The following NSMCE2 variants were observed in gnomAD, a reference collection of about 807,000 sequenced individuals.
The protein encoded by NSMCE2 is E3 SUMO-protein ligase NSE2.
A neutral mutation model predicts 23.8 loss-of-function variants in NSMCE2; 24 were observed. The ratio of observed to expected loss-of-function variants is 1.01; its 90% confidence interval spans 0.73 to 1.42. NSMCE2 has a LOEUF of 1.42. NSMCE2 is among the 40% of genes most tolerant of loss of function. The pLI is 0.00. For missense variants in NSMCE2, 284 were observed against 296.5 expected (o/e 0.96, Z 0.31); for synonymous variants, 92 against 94.1 (o/e 0.98, Z 0.13).
intron 5 of NSMCE2, among the ~76,000 whole-genome samples, chr8:125,247,578 A>C (rs2131000802): frequency 6.6e-6 from 1 of 152,236 alleles, no homozygotes; most frequent in South Asian, 2.1e-4. Context: ...TATAAAAATT[A>C]GCTGGGTATG....
chr8:125,343,211 A>G (rs1310063928), intron 5 of NSMCE2, among the ~76,000 whole-genome samples: 2 of 152,198 alleles, frequency 1.3e-5, no homozygotes, highest in Non-Finnish European at 2.9e-5. Context: ...AGTCATTACA[A>G]TCTGAGGACA....
intron 5 of NSMCE2, among the ~76,000 whole-genome samples, chr8:125,183,080 T>A (rs886630519): frequency 3.9e-5 from 6 of 152,180 alleles, no homozygotes; most frequent in African/African-American, 1.4e-4. Context: ...GCAAATAACC[T>A]TTTCTAACTT....
At chr8:125,199,229 ATTTG>A (rs1353020851) in intron 5 of NSMCE2, among the ~76,000 whole-genome samples, 3 of 151,982 alleles carry the variant, frequency 2.0e-5, no homozygotes, top group Non-Finnish European at 2.9e-5. Context: ...TAACTTTAGA[ATTTG>A]TTTGCTCTTG....
intron 5 of NSMCE2, among the ~76,000 whole-genome samples, chr8:125,218,164 A>T (rs1165171454): frequency 6.6e-6 from 1 of 152,206 alleles, no homozygotes; most frequent in Non-Finnish European, 1.5e-5. Flanking sequence ...TCTGAGCTGC[A>T]TGCATCCCAC....
rs71295819 is a variant in NSMCE2, at chr8:125,150,426, CTT to C, written c.158-721_158-720del. Among the ~76,000 whole-genome samples the C allele has an allele frequency of 3.7e-3, 227 of 61,786 alleles. 1 individual carries two copies. Among genetic ancestry groups the C allele is most frequent in the Middle Eastern group, 0.02 (1 of 50 alleles). The allele number at this position is 61,786 out of a possible 152,430, so 40.5% of individuals were successfully genotyped here. On this transcript the variant is annotated intron_variant, in intron 3 of 7. Transcript: ENST00000287437. Reference sequence around the variant, plus strand: ...TTTTCTTTTTTTCTTTTCTTTCTTTCTTTTTTTTTTTTTTTTTTTTTTTTTGA... The same window carrying C: ...TTTTCTTTTTTTCTTTTCTTTCTTTCTTTTTTTTTTTTTTTTTTTTTTTGA...
intron 5 of NSMCE2, among the ~76,000 whole-genome samples, chr8:125,354,390 T>C (rs1056665721): frequency 6.6e-6 from 1 of 152,258 alleles, no homozygotes; most frequent in Non-Finnish European, 1.5e-5. Context: ...AATCCAGCCC[T>C]ACATATTACT....
chr8:125,137,614 T>C (rs1820138074), intron 3 of NSMCE2, among the ~76,000 whole-genome samples: 1 of 152,192 alleles, frequency 6.6e-6, no homozygotes, highest in Non-Finnish European at 1.5e-5. Context: ...ACAGTAGGCA[T>C]GTTTTCTGAT....
intron 5 of NSMCE2, among the ~76,000 whole-genome samples, chr8:125,208,310 GT>G (rs1824193715): frequency 2.0e-5 from 3 of 152,152 alleles, no homozygotes; most frequent in Non-Finnish European, 4.4e-5. Context: ...ACTACAGCTG[GT>G]TTACCTATAC....
At chr8:125,095,946 G>C (rs1817909610) in intron 1 of NSMCE2, among the ~76,000 whole-genome samples, 1 of 151,732 alleles carries the variant, frequency 6.6e-6, no homozygotes, top group African/African-American at 2.4e-5. Context: ...GGTCCTTGCA[G>C]GTTTGTGTTT....
chr8:125,271,198 T>A (rs1342781601), intron 5 of NSMCE2, among the ~76,000 whole-genome samples: 1 of 151,344 alleles, frequency 6.6e-6, no homozygotes, highest in Non-Finnish European at 1.5e-5. Context: ...GAGGTGGAGG[T>A]TGCAGTGAGC....
chr8:125,363,694 CAGGA>C (rs1813666773), intron 7 of NSMCE2, among the ~76,000 whole-genome samples: 3 of 149,528 alleles, frequency 2.0e-5, no homozygotes, highest in Admixed American at 1.3e-4. Flanking sequence ...GGAAGGAAGG[CAGGA>C]AGGAAGGAAG....
At chr8:125,132,450 A>G (rs1256833210) in intron 3 of NSMCE2, among the ~76,000 whole-genome samples, 3 of 151,800 alleles carry the variant, frequency 2.0e-5, no homozygotes, top group Non-Finnish European at 4.4e-5. Flanking sequence ...TTGAATCCTA[A>G]GGAGAGGCAT....
At chr8:125,160,629 G>T (rs1821562753) in intron 4 of NSMCE2, among the ~76,000 whole-genome samples, 1 of 152,170 alleles carries the variant, frequency 6.6e-6, no homozygotes, top group Non-Finnish European at 1.5e-5. Flanking sequence ...CTATAACAAT[G>T]AAAAAGATAC....
intron 5 of NSMCE2, among the ~76,000 whole-genome samples, chr8:125,335,555 A>G (rs761938053): frequency 6.6e-6 from 1 of 152,226 alleles, no homozygotes; most frequent in Non-Finnish European, 1.5e-5. Flanking sequence ...GTAACTAAAA[A>G]TTTCCATTAT....
chr8:125,347,820 A>G (rs779749241), intron 5 of NSMCE2, among the ~76,000 whole-genome samples: 1 of 152,250 alleles, frequency 6.6e-6, no homozygotes, highest in East Asian at 1.9e-4. Flanking sequence ...CCACGTACAT[A>G]GAATCTGAGA....
intron 3 of NSMCE2, among the ~76,000 whole-genome samples, chr8:125,137,873 A>T (rs1820152696): frequency 6.6e-6 from 1 of 152,210 alleles, no homozygotes; most frequent in South Asian, 2.1e-4. Context: ...GAGCTGTTGT[A>T]GTAAGGATTA....
chr8:125,333,505 CTT>C (rs71295847), intron 5 of NSMCE2, among the ~76,000 whole-genome samples: 14 of 45,624 alleles, frequency 3.1e-4, no homozygotes, highest in East Asian at 7.6e-4. Context: ...CCTGGTGGTT[CTT>C]TTTTTTTTTT....
intron 5 of NSMCE2, among the ~76,000 whole-genome samples, chr8:125,277,000 T>G (rs1240563542): frequency 1.3e-5 from 2 of 152,232 alleles, no homozygotes; most frequent in Admixed American, 1.3e-4. Context: ...TCACTGGTGT[T>G]CTGATGGCGC....
chr8:125,243,216 A>G (rs943249167), intron 5 of NSMCE2, among the ~76,000 whole-genome samples: 1 of 152,240 alleles, frequency 6.6e-6, no homozygotes, highest in Admixed American at 6.5e-5. Flanking sequence ...GGACGTATAT[A>G]TACTTAAGAG....
Sources: gnomAD v4.1 joint callset for allele counts (sites outside exome capture counted in the v4.1 genomes callset) on GRCh38, gnomAD v4.1.1 for gene constraint, MANE v1.5 for transcripts, NCBI Gene and HGNC (gene_info 2026-07-23, HGNC 2026-07-21) for gene names.